Variants in SLC13A2 observed in about 807,000 individuals in gnomAD.
SLC13A2 encodes the protein solute carrier family 13 member 2.
In SLC13A2, 40 loss-of-function variants were observed where a neutral mutation model predicts 58.5. That is an observed-to-expected ratio of 0.68 (90% confidence interval 0.53 to 0.89). The LOEUF (loss-of-function observed/expected upper bound fraction) is 0.89. Ranked by LOEUF, SLC13A2 falls within the 40% of genes least tolerant of loss-of-function variation. The probability of loss-of-function intolerance (pLI) is 0.00; values close to 1 mark genes in which losing one functional copy is unlikely to be tolerated. For missense variants in SLC13A2, 694 were observed against 772.6 expected (o/e 0.90, Z 1.21); for synonymous variants, 341 against 331.6 (o/e 1.03, Z -0.31).
At position 28,490,605 on chromosome 17, in the gene SLC13A2, CA is replaced by C. The variant is rs782239361; in HGVS notation, c.368+18del. 5 of 1,591,696 alleles carry C rather than the reference CA, an allele frequency of 3.1e-6. No homozygotes were observed. Among genetic ancestry groups the C allele is most frequent in the Non-Finnish European group, 3.4e-6 (4 of 1,165,326 alleles). On this transcript the variant is annotated intron_variant, in intron 3 of 11. Coordinates refer to ENST00000314669, the MANE Select transcript of SLC13A2 (RefSeq NM_003984.4). ...CGGCCTGCCCCGTGAGTTCCTCCTG[CA>C]AACCAGCACGGGAGAACCTGACGAG... is the stretch of plus-strand genomic sequence containing the variant.
At chr17:28,477,280 G>T (rs567368935) in intron 1 of SLC13A2, among the ~76,000 whole-genome samples, 2 of 134,628 alleles carry the variant, frequency 1.5e-5, no homozygotes, top group African/African-American at 5.7e-5. Context: ...TGCAAGCTCC[G>T]CCTCCCAGGT....
chr17:28,489,423 G>A (rs1376272358), intron 2 of SLC13A2, 81 bp downstream of exon 2: 2 of 1,495,402 alleles, frequency 1.3e-6, no homozygotes, highest in Admixed American at 4.1e-5. Flanking sequence ...TGTTGACAAA[G>A]GAAGCCTCAC....
intron 1 of SLC13A2, among the ~76,000 whole-genome samples, chr17:28,478,024 C>T (rs1555600415): frequency 2.6e-5 from 4 of 151,918 alleles, no homozygotes; most frequent in Admixed American, 2.0e-4. Flanking sequence ...TGCCACTGCA[C>T]TCCAGCCTAG....
intron 1 of SLC13A2, among the ~76,000 whole-genome samples, chr17:28,484,801 G>A (rs906601103): frequency 3.3e-5 from 5 of 152,172 alleles, no homozygotes; most frequent in African/African-American, 1.2e-4. Flanking sequence ...AGGACTGGGT[G>A]CATGGCCCAG....
rs782559109 is a variant in SLC13A2, at chr17:28,497,158, C to T, written c.1668C>T (p.Asn556=). 6.2e-7 allele frequency: 1 copy of T among 1,614,172 alleles called. No homozygotes were observed. Among genetic ancestry groups the T allele is most frequent in the Non-Finnish European group, 8.5e-7 (1 of 1,180,024 alleles). ...IGVLIIALAI[N]SWGIPLFSLH... Reference sequence around the variant, plus strand: ...TCCTGATCATCGCACTGGCCATCAACAGCTGGGGCATCCCCCTCTTCAGCC... The same window carrying T: ...TCCTGATCATCGCACTGGCCATCAATAGCTGGGGCATCCCCCTCTTCAGCC... The change falls in exon 12 of 12, where the codon AAC becomes AAT. Residue 556 remains asparagine (N), a synonymous_variant. Coordinates refer to ENST00000314669, the MANE Select transcript of SLC13A2 (RefSeq NM_003984.4).
At chr17:28,478,436 A>G (rs1246892274) in intron 1 of SLC13A2, among the ~76,000 whole-genome samples, 4 of 152,240 alleles carry the variant, frequency 2.6e-5, no homozygotes, top group African/African-American at 9.6e-5. Flanking sequence ...ACACCACACA[A>G]AGGTTCAGCC....
chr17:28,497,091 C>T lies in SLC13A2; in HGVS notation c.1609-8C>T. The T allele has an allele frequency of 1.2e-6, 2 of 1,613,146 alleles. No homozygotes were observed. Among genetic ancestry groups the T allele is most frequent in the Admixed American group, 1.7e-5 (1 of 59,990 alleles). On this transcript the variant is annotated splice_polypyrimidine_tract_variant and splice_region_variant and intron_variant, in intron 11 of 11. Coordinates refer to ENST00000314669, the MANE Select transcript of SLC13A2 (RefSeq NM_003984.4). Reference sequence around the variant, plus strand: ...CCTGCTTAGCCAAATGGACTCTCCTCACACCAGGCCCGGGCAGGATTCCTC... The same window carrying T: ...CCTGCTTAGCCAAATGGACTCTCCTTACACCAGGCCCGGGCAGGATTCCTC...
In SLC13A2 at chr17:28,497,384, A is replaced by T; in HGVS notation, c.*115A>T. Reference sequence around the variant, plus strand: ...AGCTCCAGGCCAAAGGCTGAAAGGCACGTGTGTACATAATCTCTTGCGTGT... The same window carrying T: ...AGCTCCAGGCCAAAGGCTGAAAGGCTCGTGTGTACATAATCTCTTGCGTGT... On this transcript the variant is annotated 3_prime_UTR_variant, in exon 12 of 12. Coordinates refer to ENST00000314669, the MANE Select transcript of SLC13A2 (RefSeq NM_003984.4). 1 of 1,153,276 alleles carries T rather than the reference A, an allele frequency of 8.7e-7. No individual in the cohort carries two copies. Among genetic ancestry groups the T allele is most frequent in the Non-Finnish European group, 1.2e-6 (1 of 819,194 alleles). The allele number at this position is 1,153,276 out of a possible 1,614,324, so 71.4% of individuals were successfully genotyped here. A position where few individuals can be genotyped will look rare whatever the true frequency, so the allele number is the denominator to read the frequency against.
Position 28,496,986 on chromosome 17 carries a change from TC to T in SLC13A2, c.1609-110del. 1 of 1,124,388 alleles carries T rather than the reference TC, an allele frequency of 8.9e-7. No homozygotes were observed. Among genetic ancestry groups the T allele is most frequent in the Non-Finnish European group, 1.3e-6 (1 of 765,954 alleles). 69.7% of individuals were successfully genotyped at this position (1,124,388 alleles called of 1,614,324 possible). On this transcript the variant is annotated intron_variant, in intron 11 of 11. Transcript: ENST00000314669. The surrounding 1 kb of genome is among the most constrained non-coding windows in gnomAD (Gnocchi z 4.2). ...TGCAGGTTAGACCAACGGGAGGACT[TC>T]CCAGAGAGAATTTTGCTGGTAGGAG...
intron 1 of SLC13A2, among the ~76,000 whole-genome samples, chr17:28,480,807 G>C (rs931119935): frequency 6.6e-6 from 1 of 152,156 alleles, no homozygotes; most frequent in African/African-American, 2.4e-5. Flanking sequence ...GTTCAAATGG[G>C]CTCTTGTGCT....
In SLC13A2 at chr17:28,486,260, G is replaced by A. The variant is rs572291344; in HGVS notation, c.103-2954G>A. ...ACAACTGCAACAACTTATCTGGATC[G>A]GTGTCTAATAGCTGATAGCCACAGT... On this transcript the variant is annotated intron_variant, in intron 1 of 11. Coordinates refer to ENST00000314669, the MANE Select transcript of SLC13A2 (RefSeq NM_003984.4). Among the ~76,000 whole-genome samples the A allele has an allele frequency of 7.2e-5, 11 of 152,214 alleles. No homozygotes were observed. In the East Asian group the frequency reaches 1.3e-3, roughly 19 times the overall value.
chr17:28,483,219 G>A (rs1459436143), intron 1 of SLC13A2, among the ~76,000 whole-genome samples: 1 of 152,128 alleles, frequency 6.6e-6, no homozygotes, highest in Non-Finnish European at 1.5e-5. Flanking sequence ...TGGACTCCTT[G>A]GCACCTTCAC....
intron 1 of SLC13A2, among the ~76,000 whole-genome samples, chr17:28,480,113 C>T (rs559309375): frequency 5.7e-4 from 86 of 151,632 alleles, no homozygotes; most frequent in Non-Finnish European, 1.0e-3. Context: ...AAGATCACGC[C>T]ACTGCACTCC....
chr17:28,493,839 C>G, intron 7 of SLC13A2, 50 bp downstream of exon 7: 1 of 1,596,676 alleles, frequency 6.3e-7, no homozygotes, highest in Non-Finnish European at 8.6e-7. Context: ...CTCACATGCT[C>G]GGGAAGGAGG....
chr17:28,491,556 G>A lies in SLC13A2; in HGVS notation c.694G>A (p.Gly232Arg), dbSNP rs1179105392. Residue 232 changes from glycine (G) to arginine (R), a missense_variant, in exon 5 of 12, where the codon GGG becomes AGG. Transcript: ENST00000314669. ...SLCVCYSASI[G>R]GIATLTGTAP... ...GTGCGTGTGCTACTCCGCCAGCATC[G>A]GGGGCATCGCCACGCTGACTGGCAC... 19 of 1,613,592 alleles carry A rather than the reference G, an allele frequency of 1.2e-5. No homozygotes were observed. Among genetic ancestry groups the A allele is most frequent in the African/African-American group, 2.7e-5 (2 of 75,070 alleles).
chr17:28,497,015 C>A, intron 11 of SLC13A2, 84 bp from the exon 12 acceptor site: 1 of 1,434,712 alleles, frequency 7.0e-7, no homozygotes, highest in South Asian at 1.3e-5. Context: ...GGTAGGAGGG[C>A]TCCTGTGCAC....
rs1555602679 is a variant in SLC13A2, at chr17:28,489,350, C to CT, written c.231+8_231+9insT. ...ATCGTGGATGCCTCTGAGGTGAGCC[C>CT]CATCCATAGGAGAAAGCGTTCTGGG... On this transcript the variant is annotated intron_variant, in intron 2 of 11. Transcript: ENST00000314669. 1.2e-6 allele frequency: 2 copies of CT among 1,612,232 alleles called. No individual in the cohort carries two copies. Among genetic ancestry groups the CT allele is most frequent in the Non-Finnish European group, 1.7e-6 (2 of 1,179,224 alleles).
intron 1 of SLC13A2, among the ~76,000 whole-genome samples, chr17:28,484,356 G>T (rs547170802): frequency 5.9e-5 from 9 of 152,192 alleles, no homozygotes; most frequent in Admixed American, 5.2e-4. Flanking sequence ...ACTACGCAAA[G>T]TAGGGAGGGA....
rs2151463334 is a variant in SLC13A2 at position 28,494,390 on chromosome 17, G to C, written c.1187-1G>C. The C allele has an allele frequency of 6.2e-7, 1 of 1,614,190 alleles. No homozygotes were observed. The highest frequency in any genetic ancestry group is 8.5e-7 in the Non-Finnish European group (1 of 1,180,038). On this transcript the variant is annotated splice_acceptor_variant, in intron 8 of 11. Coordinates refer to ENST00000314669, the MANE Select transcript of SLC13A2 (RefSeq NM_003984.4). LOFTEE classifies it high-confidence loss of function. This position sits in a 1 kb window ranked among gnomAD's most constrained non-coding sequence, Gnocchi z 4.0. ...CCCATCCTTCTCTGCTTGGGAAGTAGAAAACCCAGGGAAGCTGAAGGCCCC... is the reference window on the plus strand; with the variant it reads ...CCCATCCTTCTCTGCTTGGGAAGTACAAAACCCAGGGAAGCTGAAGGCCCC...
Sources: allele counts gnomAD v4.1 joint callset (sites outside exome capture counted in the v4.1 genomes callset), GRCh38; gene constraint gnomAD v4.1.1; non-coding constraint Gnocchi (gnomAD v3.1); transcripts MANE v1.5; gene names NCBI Gene and HGNC (gene_info 2026-07-23, HGNC 2026-07-21).